Variants in MMP14 observed in about 807,000 individuals in gnomAD.
MMP14 encodes matrix metallopeptidase 14.
A neutral mutation model predicts 64.8 loss-of-function variants in MMP14; 13 were observed. The ratio of observed to expected loss-of-function variants is 0.20; its 90% CI spans 0.13 to 0.32. The LOEUF (loss-of-function observed/expected upper bound fraction) is 0.32, where lower values mean the gene tolerates loss of function less well. MMP14 is among the 10% of genes least tolerant of loss of function. The probability of loss-of-function intolerance (pLI) is 1.00; values close to 1 mark genes in which losing one functional copy is unlikely to be tolerated. For missense variants in MMP14, 594 were observed against 783.8 expected, an observed-to-expected ratio of 0.76 and a Z score of 2.89; for synonymous variants, 322 against 315.9, an observed-to-expected ratio of 1.02 and a Z score of -0.20.
Position 22,846,338 on chromosome 14 carries a change from T to C in MMP14, c.*299T>C, listed in dbSNP as rs909722881. The stretch of plus-strand genomic sequence containing the variant: ...GTCTGTCCAGCCCCATCTGAATGTG[T>C]TGGGGGCTCTGCACTTGAAGGCAGG... On this transcript the variant is annotated 3_prime_UTR_variant, in exon 10 of 10. Transcript: ENST00000311852. The C allele has an allele frequency of 2.6e-6, 1 of 381,328 alleles. No homozygotes were observed. The highest frequency in any genetic ancestry group is 4.7e-6 in the Non-Finnish European group (1 of 212,440). The allele number at this position is 381,328 out of a possible 1,614,324, so 23.6% of individuals were successfully genotyped here. A position where few individuals can be genotyped will look rare whatever the true frequency, so the allele number is the denominator to read the frequency against.
At position 22,845,964 on chromosome 14, in the gene MMP14, A is replaced by C; in HGVS notation, c.1674A>C (p.Ala558=). Residue 558 remains alanine, a synonymous_variant, in exon 10 of 10, where the codon GCA becomes GCC. Transcript: ENST00000311852. ...LLLLVLAVGL[A]VFFFRRHGTP... ...TCCTGGTGCTGGCGGTGGGCCTTGC[A>C]GTCTTCTTCTTCAGACGCCATGGGA... 11 of 1,579,188 alleles carry C rather than the reference A, an allele frequency of 7.0e-6. No homozygotes were observed. The highest frequency in any genetic ancestry group is 7.7e-6 in the Non-Finnish European group (9 of 1,161,336).
In MMP14 at chr14:22,844,507, A is replaced by G. The variant is rs746797730; in HGVS notation, c.1148A>G (p.Lys383Arg). 2 of 1,614,142 alleles carry G rather than the reference A, an allele frequency of 1.2e-6. No homozygotes were observed. The highest frequency in any genetic ancestry group is 1.7e-6 in the Non-Finnish European group (2 of 1,180,006). ...ERKDGKFVFF[K>R]GDKHWVFDEA... Reference sequence around the variant, plus strand: ...AAGGATGGCAAATTCGTCTTCTTCAAAGGTAACCAGGCACTCCACTTTAGT... The same window carrying G: ...AAGGATGGCAAATTCGTCTTCTTCAGAGGTAACCAGGCACTCCACTTTAGT... The change falls in exon 7 of 10, where the codon AAA (lysine) becomes AGA (arginine). Residue 383 changes from lysine to arginine, a missense_variant and splice_region_variant. Coordinates refer to ENST00000311852, the MANE Select transcript of MMP14 (RefSeq NM_004995.4).
Position 22,843,188 on chromosome 14 carries a change from C to T in MMP14, c.689-69C>T. 2.0e-6 allele frequency: 3 copies of T among 1,537,490 alleles called. No homozygotes were observed. The highest frequency in any genetic ancestry group is 2.4e-5 in the South Asian group (2 of 82,758). ...AGGCTTGGAGGTGAAACCAAAGCTG[C>T]TGGTGGGGAAGCAGGGAGGCTGAGG... On this transcript the variant is annotated intron_variant, in intron 4 of 9. Coordinates refer to ENST00000311852, the MANE Select transcript of MMP14 (RefSeq NM_004995.4). The surrounding 1 kb of genome is among the most constrained non-coding windows in gnomAD (Gnocchi z 4.8).
In MMP14 at chr14:22,843,519, C is replaced by A; in HGVS notation, c.850+101C>A. 7.0e-7 allele frequency: 1 copy of A among 1,437,284 alleles called. No individual in the cohort carries two copies. The highest frequency in any genetic ancestry group is 9.5e-7 in the Non-Finnish European group (1 of 1,054,874). 89.0% of individuals were successfully genotyped at this position (1,437,284 alleles called of 1,614,324 possible). ...ATGCCTTGCAGTCTCCGCACCGCCC[C>A]CTGCCAACCTGCCCCTGCCTCTATC... On this transcript the variant is annotated intron_variant, in intron 5 of 9. Transcript: ENST00000311852. The surrounding 1 kb of genome is among the most constrained non-coding windows in gnomAD (Gnocchi z 4.8).
chr14:22,845,762 T>C lies in MMP14; in HGVS notation c.1472T>C (p.Leu491Pro). ...TACTGGAAATTCAACAACCAGAAGC[T>C]GAAGGTAGAACCGGGCTACCCCAAG... ...NKYWKFNNQK[L>P]KVEPGYPKSA... Residue 491 changes from leucine to proline, a missense_variant, in exon 10 of 10, where the codon CTG becomes CCG. This residue lies in a region of MMP14 where 364 missense variants were observed against 425.2 expected (regional missense o/e 0.86). Coordinates refer to ENST00000311852, the MANE Select transcript of MMP14 (RefSeq NM_004995.4). 6.2e-7 allele frequency: 1 copy of C among 1,614,112 alleles called. No individual in the cohort carries two copies. The highest frequency in any genetic ancestry group is 8.5e-7 in the Non-Finnish European group (1 of 1,180,022).
rs769024747 is a variant in MMP14, at chr14:22,845,256, A to G, written c.1307A>G (p.Tyr436Cys). The G allele has an allele frequency of 6.2e-7, 1 of 1,612,740 alleles. No individual in the cohort carries two copies. Among genetic ancestry groups the G allele is most frequent in the Non-Finnish European group, 8.5e-7 (1 of 1,179,022 alleles). Residue 436 changes from tyrosine (Y) to cysteine (C), a missense_variant, in exon 9 of 10, where the codon TAC (tyrosine) becomes TGC (cysteine). Transcript: ENST00000311852. ...KTYFFRGNKYYRFNEELRAVD... is the reference protein window; with the variant it reads ...KTYFFRGNKYCRFNEELRAVD... Reference sequence around the variant, plus strand: ...CTTCCTTTCCCCTTCCCCAGGTACTACCGTTTCAACGAAGAGCTCAGGGCA... The same window carrying G: ...CTTCCTTTCCCCTTCCCCAGGTACTGCCGTTTCAACGAAGAGCTCAGGGCA...
rs920213065 is a variant in MMP14 at position 22,842,265 on chromosome 14, C to T, written c.381-145C>T. 25 of 1,048,996 alleles carry T rather than the reference C, an allele frequency of 2.4e-5. No homozygotes were observed. Among genetic ancestry groups the T allele is most frequent in the Middle Eastern group, 6.0e-4 (2 of 3,326 alleles). The allele number at this position is 1,048,996 out of a possible 1,614,324, so 65.0% of individuals were successfully genotyped here. A position where few individuals can be genotyped will look rare whatever the true frequency, so the allele number is the denominator to read the frequency against. On this transcript the variant is annotated intron_variant, in intron 3 of 9. Transcript: ENST00000311852. The surrounding 1 kb of genome is among the most constrained non-coding windows in gnomAD (Gnocchi z 5.3). Reference sequence around the variant, plus strand: ...GGATCCCTTGTTCTTGAGACAGAGGCGTTGCGCATGAGGTAGCAGGAAGAG... The same window carrying T: ...GGATCCCTTGTTCTTGAGACAGAGGTGTTGCGCATGAGGTAGCAGGAAGAG...
At chr14:22,840,305 T>C (rs909527009) in intron 1 of MMP14, among the ~76,000 whole-genome samples, 3 of 152,220 alleles carry the variant, frequency 2.0e-5, no homozygotes, top group African/African-American at 7.2e-5. Context: ...AAATACTCCA[T>C]TGTTCTTACA....
rs1411710697 is a variant in MMP14 at position 22,847,278 on chromosome 14, C to G, written c.*1239C>G. 1 of 152,636 alleles carries G rather than the reference C, an allele frequency of 6.6e-6. No individual in the cohort carries two copies. Among genetic ancestry groups the G allele is most frequent in the Admixed American group, 6.5e-5 (1 of 15,310 alleles). The allele number at this position is 152,636 out of a possible 1,614,324, so 9.5% of individuals were successfully genotyped here. ...TCAGTGAGGGGCAGGAGCTGGGGCT[C>G]GCTTAGGCTGGGTCCACGCTTCCCT... On this transcript the variant is annotated 3_prime_UTR_variant, in exon 10 of 10. Coordinates refer to ENST00000311852, the MANE Select transcript of MMP14 (RefSeq NM_004995.4).
At chr14:22,837,092 C>T in intron 1 of MMP14, 167 bp downstream of exon 1, 1 of 703,386 alleles carries the variant, frequency 1.4e-6, no homozygotes. Context: ...TCCAAACTTC[C>T]AGATCGATCC....
At position 22,843,603 on chromosome 14, in the gene MMP14, C is replaced by T. The variant is rs1047585716; in HGVS notation, c.851-107C>T. The T allele has an allele frequency of 7.7e-6, 11 of 1,435,244 alleles. No homozygotes were observed. The highest frequency in any genetic ancestry group is 1.9e-4 in the Middle Eastern group (1 of 5,198). 88.9% of individuals were successfully genotyped at this position (1,435,244 alleles called of 1,614,324 possible). Reference sequence around the variant, plus strand: ...TCCCAGTTGGTTGCTTCAGCCTCCCCTAGAAGCCCATCCACACCTTTCCAA... The same window carrying T: ...TCCCAGTTGGTTGCTTCAGCCTCCCTTAGAAGCCCATCCACACCTTTCCAA... On this transcript the variant is annotated intron_variant, in intron 5 of 9. Transcript: ENST00000311852. This position sits in a 1 kb window ranked among gnomAD's most constrained non-coding sequence, Gnocchi z 4.8.
At position 22,842,152 on chromosome 14, in the gene MMP14, C is replaced by A. The variant is rs1422129115; in HGVS notation, c.380+117C>A. ...CTCCCCTCAGTTCCTGGGAAGCATC[C>A]GTGGGAGTGGGGAGGAAAATGGCTC... On this transcript the variant is annotated intron_variant, in intron 3 of 9. Coordinates refer to ENST00000311852, the MANE Select transcript of MMP14 (RefSeq NM_004995.4). This position sits in a 1 kb window ranked among gnomAD's most constrained non-coding sequence, Gnocchi z 5.3. The A allele has an allele frequency of 6.3e-6, 9 of 1,422,292 alleles. No homozygotes were observed. The South Asian group carries it at 1.2e-4, about 18-fold the overall frequency. The allele number at this position is 1,422,292 out of a possible 1,614,324, so 88.1% of individuals were successfully genotyped here. A position where few individuals can be genotyped will look rare whatever the true frequency, so the allele number is the denominator to read the frequency against.
In MMP14 at chr14:22,842,425, C is replaced by G; in HGVS notation, c.396C>G (p.Thr132=). 6.2e-7 allele frequency: 1 copy of G among 1,612,572 alleles called. No homozygotes were observed. The stretch of plus-strand genomic sequence containing the variant: ...TGGACCTCAGCATCCAGAATTACAC[C>G]CCCAAGGTGGGCGAGTATGCCACAT... ...NEITFCIQNY[T]PKVGEYATYE... Residue 132 remains threonine (T), a synonymous_variant, in exon 4 of 10, where the codon ACC becomes ACG. Transcript: ENST00000311852. The surrounding 1 kb of genome is among the most constrained non-coding windows in gnomAD (Gnocchi z 5.3).
In MMP14 at chr14:22,844,517, G is replaced by A; in HGVS notation, c.1150+8G>A. On this transcript the variant is annotated splice_region_variant and intron_variant, in intron 7 of 9. Transcript: ENST00000311852. The stretch of plus-strand genomic sequence containing the variant: ...AATTCGTCTTCTTCAAAGGTAACCA[G>A]GCACTCCACTTTAGTCTTTGGGAGT... 1 of 1,614,116 alleles carries A rather than the reference G, an allele frequency of 6.2e-7. No homozygotes were observed. The highest frequency in any genetic ancestry group is 2.2e-5 in the East Asian group (1 of 44,868).
Position 22,845,231 on chromosome 14 carries a change from C to T in MMP14, c.1302-20C>T. 1 of 1,594,526 alleles carries T rather than the reference C, an allele frequency of 6.3e-7. No individual in the cohort carries two copies. Among genetic ancestry groups the T allele is most frequent in the Non-Finnish European group, 8.6e-7 (1 of 1,162,896 alleles). ...GACATGCCCAGTGTCCGCCACTGCC[C>T]TTCCTTTCCCCTTCCCCAGGTACTA... On this transcript the variant is annotated intron_variant, in intron 8 of 9. Coordinates refer to ENST00000311852, the MANE Select transcript of MMP14 (RefSeq NM_004995.4).
Position 22,845,851 on chromosome 14 carries a change from G to A in MMP14, c.1561G>A (p.Glu521Lys), listed in dbSNP as rs1467207189. The A allele has an allele frequency of 2.5e-6, 4 of 1,614,086 alleles. No homozygotes were observed. The highest frequency in any genetic ancestry group is 1.7e-5 in the Admixed American group (1 of 60,010). The change falls in exon 10 of 10, where the codon GAG becomes AAG. Residue 521 changes from glutamate (E) to lysine (K), a missense_variant. By Grantham distance (56) the Glu-to-Lys change is moderately conservative. Around this residue, in one of 4 missense-constraint regions of MMP14, gnomAD observed 364 missense variants for 425.2 expected, o/e 0.86. Transcript: ENST00000311852. ...CCGGCCGGATGAGGGGACTGAGGAGGAGACGGAGGTGATCATCATTGAGGT... is the reference window on the plus strand; with the variant it reads ...CCGGCCGGATGAGGGGACTGAGGAGAAGACGGAGGTGATCATCATTGAGGT... ...GGRPDEGTEEETEVIIIEVDE... is the reference protein window; with the variant it reads ...GGRPDEGTEEKTEVIIIEVDE...
At chr14:22,845,623 C>T (rs1566483227) in intron 9 of MMP14, 85 bp from the exon 10 acceptor site, 1 of 1,389,090 alleles carries the variant, frequency 7.2e-7, no homozygotes, top group Non-Finnish European at 1.0e-6. Context: ...CAGCTGCCCT[C>T]ACATTAACAG....
chr14:22,843,887 T>A lies in MMP14; in HGVS notation c.1011+17T>A. ...GTCTTCAAGGTGAGAAGAAGTGGGC[T>A]GGTTTGAAAGACAAAAGGGCCCTAT... On this transcript the variant is annotated intron_variant, in intron 6 of 9. Coordinates refer to ENST00000311852, the MANE Select transcript of MMP14 (RefSeq NM_004995.4). This position sits in a 1 kb window ranked among gnomAD's most constrained non-coding sequence, Gnocchi z 4.8. 3 of 1,606,390 alleles carry A rather than the reference T, an allele frequency of 1.9e-6. No homozygotes were observed. Among genetic ancestry groups the A allele is most frequent in the Non-Finnish European group, 2.5e-6 (3 of 1,178,182 alleles).
In MMP14 at chr14:22,846,053, C is replaced by T; in HGVS notation, c.*14C>T. The T allele has an allele frequency of 6.9e-7, 1 of 1,458,352 alleles. No individual in the cohort carries two copies. The highest frequency in any genetic ancestry group is 1.4e-5 in the South Asian group (1 of 69,652). The allele number at this position is 1,458,352 out of a possible 1,614,324, so 90.3% of individuals were successfully genotyped here. ...GACAAGGTCTGACGCCCACCGCCGG[C>T]CCGCCCACTCCTACCACAAGGACTT... On this transcript the variant is annotated 3_prime_UTR_variant, in exon 10 of 10. Transcript: ENST00000311852.
Sources: allele counts gnomAD v4.1 joint callset (sites outside exome capture counted in the v4.1 genomes callset), GRCh38; gene constraint gnomAD v4.1.1; regional missense constraint gnomAD v4.1.1; non-coding constraint Gnocchi (gnomAD v3.1); transcripts MANE v1.5; gene names NCBI Gene and HGNC (gene_info 2026-07-23, HGNC 2026-07-21).